DST: variants seen among roughly 807,000 people sequenced by gnomAD.
The protein encoded by DST is dystonin.
Under a neutral mutation model 875.2 loss-of-function variants are expected in DST, and 253 were observed. The ratio of observed to expected loss-of-function variants is 0.29; its 90% CI spans 0.26 to 0.32. DST has a LOEUF of 0.32. DST is among the 10% of genes least tolerant of loss of function. The pLI is 1.00. For missense variants in DST, 8,287 were observed against 9,111.6 expected, an observed-to-expected ratio of 0.91 and a Z score of 3.68; for synonymous variants, 3,124 against 3,197.1, an observed-to-expected ratio of 0.98 and a Z score of 0.77.
At chr6:56,891,687 T>C (rs1344683013) in intron 3 of DST, among the ~76,000 whole-genome samples, 1 of 151,946 alleles carries the variant, frequency 6.6e-6, no homozygotes, top group Non-Finnish European at 1.5e-5. Context: ...TGAGCCGTGA[T>C]TGCGCGACTG....
rs1199033335 is a variant in DST at position 56,527,513 on chromosome 6, G to T, written c.17902C>A (p.Gln5968Lys). The part of the protein sequence containing the change: ...TQVLKGEEAS[Q>K]AQMRPKELKK... ...CTTACCTTTGGTCTCATTTGTGCTTGACTTGCTTCTTCTCCTTTCAGAACC... is the reference window on the plus strand; with the variant it reads ...CTTACCTTTGGTCTCATTTGTGCTTTACTTGCTTCTTCTCCTTTCAGAACC... The change falls in exon 68 of 104, where the codon CAA becomes AAA. Residue 5968 changes from glutamine (Q) to lysine (K), a missense_variant. This residue lies in a region of DST where 777 missense variants were observed against 764.8 expected (regional missense o/e 1.02). Transcript: ENST00000680361. The T allele has an allele frequency of 2.5e-6, 4 of 1,613,464 alleles. No individual in the cohort carries two copies. The highest frequency in any genetic ancestry group is 3.4e-6 in the Non-Finnish European group (4 of 1,179,666).
intron 5 of DST, among the ~76,000 whole-genome samples, chr6:56,720,542 G>A (rs1472004777): frequency 6.6e-6 from 1 of 151,946 alleles, no homozygotes; most frequent in Non-Finnish European, 1.5e-5. Flanking sequence ...TGAGATTAGG[G>A]AGTGGTGATG....
intron 101 of DST, 55 bp from the exon 102 acceptor site, chr6:56,463,211 G>C (rs2094424213): frequency 9.6e-7 from 1 of 1,039,002 alleles, no homozygotes; most frequent in Non-Finnish European, 1.5e-6. Context: ...AAAAAACAAA[G>C]CCACAGAAAG....
At chr6:56,536,758 T>C in intron 62 of DST, 21 bp downstream of exon 62, 4 of 1,510,622 alleles carry the variant, frequency 2.6e-6, no homozygotes, top group Non-Finnish European at 3.6e-6. Context: ...AAAATAGCAA[T>C]GAAGGGGGTG....
intron 5 of DST, among the ~76,000 whole-genome samples, chr6:56,727,574 C>T (rs2152921237): frequency 6.6e-6 from 1 of 152,288 alleles, no homozygotes; most frequent in South Asian, 2.1e-4. Context: ...AGGAATGCTG[C>T]TTGGCTTCTT....
chr6:56,611,475 TTAAAA>T, intron 38 of DST, 28 bp downstream of exon 38: 4 of 1,499,122 alleles, frequency 2.7e-6, no homozygotes, highest in East Asian at 2.3e-5. Context: ...ACTTCCCCAC[TTAAAA>T]TAAAAGAGCT....
chr6:56,775,691 T>C (rs550239932), intron 4 of DST, among the ~76,000 whole-genome samples: 2 of 152,260 alleles, frequency 1.3e-5, no homozygotes, highest in South Asian at 4.2e-4. Context: ...CAAAGGAGCA[T>C]AGCGAAAGCA....
chr6:56,752,791 G>T (rs1283821517), intron 4 of DST, among the ~76,000 whole-genome samples: 5 of 151,418 alleles, frequency 3.3e-5, no homozygotes, highest in Non-Finnish European at 7.4e-5. Context: ...GAGTTTTTTT[G>T]TTTTTTTTGT....
chr6:56,689,497 CA>C (rs1174982210), intron 9 of DST, among the ~76,000 whole-genome samples: 5 of 152,248 alleles, frequency 3.3e-5, no homozygotes, highest in Middle Eastern at 3.4e-3. Flanking sequence ...AAAACATATA[CA>C]ATACTGTCTC....
At chr6:56,560,200 G>A in intron 58 of DST, 94 bp downstream of exon 58, 1 of 1,204,768 alleles carries the variant, frequency 8.3e-7, no homozygotes, top group South Asian at 2.5e-5. Flanking sequence ...CCAAAAATAA[G>A]TGACTGTTGA....
chr6:56,619,309 T>C (rs1346675879), intron 36 of DST: 6 of 1,611,916 alleles, frequency 3.7e-6, no homozygotes. Context: ...GCTCCTCTAC[T>C]TTTTGTTTTA....
Position 56,851,517 on chromosome 6 carries a change from C to T in DST, c.505G>A (p.Ala169Thr). 1 of 1,613,994 alleles carries T rather than the reference C, an allele frequency of 6.2e-7. No individual in the cohort carries two copies. The highest frequency in any genetic ancestry group is 1.1e-5 in the South Asian group (1 of 91,070). Residue 169 changes from alanine (A) to threonine (T), a missense_variant, in exon 4 of 104, where the codon GCA becomes ACA. Ala to Thr is a moderately conservative substitution (Grantham distance 58). Around this residue, in one of 10 missense-constraint regions of DST, gnomAD observed 1,160 missense variants for 1,424.3 expected, o/e 0.81. Transcript: ENST00000680361. ...EDDFSQKSGSASPAPGDTLPW... is the reference protein window; with the variant it reads ...EDDFSQKSGSTSPAPGDTLPW... ...AAGGTGTCTCCCGGAGCTGGGGATG[C>T]GGAGCCAGATTTCTGGCTGAAATCA... is the stretch of plus-strand genomic sequence containing the variant.
rs1296832908 is a variant in DST at position 56,954,076 on chromosome 6, C to T, written c.182-257G>A. 7.2e-5 allele frequency among the ~76,000 whole-genome samples: 11 copies of T among 152,378 alleles called. No homozygotes were observed. In the East Asian group the frequency reaches 1.9e-3, roughly 27 times the overall value. On this transcript the variant is annotated intron_variant, in intron 1 of 103. Coordinates refer to ENST00000680361, the MANE Select transcript of DST (RefSeq NM_001374736.1). ...TCCATGCCTTACTTTCTTACCCCTA[C>T]GCTCCAGCGAAGGATGCGTGAAGGC... is the stretch of plus-strand genomic sequence containing the variant.
At chr6:56,551,531 C>T (rs1031490533) in intron 61 of DST, among the ~76,000 whole-genome samples, 20 of 152,148 alleles carry the variant, frequency 1.3e-4, no homozygotes, top group African/African-American at 4.8e-4. Context: ...AACTGGCCCA[C>T]CATTTTTATC....
chr6:56,884,448 TTTAGGTTCAA>T (rs1281116901), intron 3 of DST, among the ~76,000 whole-genome samples: 3 of 152,186 alleles, frequency 2.0e-5, no homozygotes, highest in Admixed American at 6.5e-5. Flanking sequence ...TTTGATCTGA[TTTAGGTTCAA>T]TTTTTAGCAA....
rs183329455 is a variant in DST at position 56,660,511 on chromosome 6, G to A, written c.1215-9267C>T. 3.5e-3 allele frequency among the ~76,000 whole-genome samples: 536 copies of A among 151,098 alleles called. 1 individual carries two copies. Among genetic ancestry groups the A allele is most frequent in the Non-Finnish European group, 5.8e-3 (391 of 67,904 alleles). The stretch of plus-strand genomic sequence containing the variant: ...ATCCTATGATAGCAGAGAAGTTACC[G>A]TAACAAATTCCTGAAGATGACTGTT... On this transcript the variant is annotated intron_variant, in intron 10 of 103. Coordinates refer to ENST00000680361, the MANE Select transcript of DST (RefSeq NM_001374736.1).
Position 56,609,308 on chromosome 6 carries a change from T to C in DST, c.5320A>G (p.Thr1774Ala), listed in dbSNP as rs987787668. The change falls in exon 40 of 104, where the codon ACT becomes GCT. Residue 1774 changes from threonine to alanine, a missense_variant. This residue lies in a region of DST where 3,138 missense variants were observed against 3,116.6 expected (regional missense o/e 1.01). Transcript: ENST00000680361. ...TGAAAGACTGAAAGGACTTCTCCAG[T>C]TGTCTGATCAATGGTGCCTGCAATC... ...KVIAGTIDQTTGEVLSVFQAV... is the reference protein window; with the variant it reads ...KVIAGTIDQTAGEVLSVFQAV... 21 of 1,612,402 alleles carry C rather than the reference T, an allele frequency of 1.3e-5. No individual in the cohort carries two copies. The highest frequency in any genetic ancestry group is 1.7e-5 in the Non-Finnish European group (20 of 1,179,296).
chr6:56,627,149 T>C (rs377396612), intron 34 of DST, 55 bp downstream of exon 34: 91 of 1,281,696 alleles, frequency 7.1e-5, no homozygotes, highest in South Asian at 9.5e-5. Context: ...TAACAGTACA[T>C]GTAGAATCAC....
At chr6:56,520,600 T>G (rs2096677584) in intron 69 of DST, among the ~76,000 whole-genome samples, 1 of 152,138 alleles carries the variant, frequency 6.6e-6, no homozygotes, top group Admixed American at 6.6e-5. Flanking sequence ...GCAGGTGAAC[T>G]TAGAATTATC....
Sources: allele counts gnomAD v4.1 joint callset (sites outside exome capture counted in the v4.1 genomes callset), GRCh38; gene constraint gnomAD v4.1.1; regional missense constraint gnomAD v4.1.1; transcripts MANE v1.5; gene names NCBI Gene and HGNC (gene_info 2026-07-23, HGNC 2026-07-21).